Variants in SEMA4D observed in about 807,000 individuals in gnomAD.
SEMA4D encodes the protein semaphorin-4D.
In SEMA4D, 22 loss-of-function variants were observed where a neutral mutation model predicts 74.8. The ratio of observed to expected loss-of-function variants is 0.29; its 90% CI spans 0.21 to 0.42. SEMA4D has a LOEUF of 0.42. Among genes scored for constraint, SEMA4D ranks in the 10% least tolerant of loss-of-function variants. SEMA4D has a pLI of 1.00. For synonymous variants in SEMA4D, 445 were observed against 463.7 expected (o/e 0.96, Z 0.52); for missense variants, 937 against 1,118.4 (o/e 0.84, Z 2.31).
chr9:89,447,653 G>T (rs907712727), intron 2 of SEMA4D, among the ~76,000 whole-genome samples: 1 of 152,064 alleles, frequency 6.6e-6, no homozygotes, highest in Admixed American at 6.5e-5. Flanking sequence ...CAGCCTAACC[G>T]GGTGCCCGAC....
exon 17 of SEMA4D, chr9:89,363,769 C>T (rs555149600): frequency 3.0e-5 from 49 of 1,613,530 alleles, no homozygotes; most frequent in South Asian, 2.1e-4. Flanking sequence ...CCTGCACCTT[C>T]GAAGTCTTGT....
At chr9:89,372,968 TGGA>T (rs923909941), downstream of SEMA4D, among the ~76,000 whole-genome samples, 9 of 152,024 alleles carry the variant, frequency 5.9e-5, no homozygotes, top group African/African-American at 1.9e-4. Flanking sequence ...AGAACTGTGG[TGGA>T]GAAGGGATGA....
At chr9:89,395,924 A>G (rs573423909) in intron 6 of SEMA4D, among the ~76,000 whole-genome samples, 1 of 152,360 alleles carries the variant, frequency 6.6e-6, no homozygotes, top group African/African-American at 2.4e-5. Flanking sequence ...GGACTCATTA[A>G]AATCCAGGGA....
chr9:89,465,277 G>C (rs571643650), intron 1 of SEMA4D, among the ~76,000 whole-genome samples: 2 of 152,278 alleles, frequency 1.3e-5, no homozygotes, highest in Admixed American at 1.3e-4. Flanking sequence ...CAGGAAACCA[G>C]CACCATCCAT....
At chr9:89,497,122 C>G (rs948355485) in intron 1 of SEMA4D, among the ~76,000 whole-genome samples, 1 of 152,214 alleles carries the variant, frequency 6.6e-6, no homozygotes, top group East Asian at 1.9e-4. Context: ...CACCTACCCC[C>G]CAAAATACTA....
chr9:89,428,985 G>A (rs1053474647), intron 2 of SEMA4D, among the ~76,000 whole-genome samples: 1 of 152,182 alleles, frequency 6.6e-6, no homozygotes, highest in African/African-American at 2.4e-5. Context: ...CAGACAGGAT[G>A]GACCTAGGTC....
At chr9:89,396,698 A>C in intron 6 of SEMA4D, 39 bp downstream of exon 6, 1 of 1,544,034 alleles carries the variant, frequency 6.5e-7, no homozygotes. Flanking sequence ...ACTGCTGACC[A>C]GGCTGGCGTG....
chr9:89,488,393 T>C (rs1413082232), intron 1 of SEMA4D, among the ~76,000 whole-genome samples: 4 of 121,320 alleles, frequency 3.3e-5, no homozygotes, highest in African/African-American at 1.2e-4. Flanking sequence ...GAACAGAGTC[T>C]CACTCTGTCA....
chr9:89,450,522 A>T, intron 2 of SEMA4D: 4 of 1,213,750 alleles, frequency 3.3e-6, no homozygotes, highest in Non-Finnish European at 3.7e-6. Flanking sequence ...GTTTAAATTT[A>T]CAGTTCTGCT....
At chr9:89,428,923 T>C (rs1848664290) in intron 2 of SEMA4D, among the ~76,000 whole-genome samples, 1 of 152,202 alleles carries the variant, frequency 6.6e-6, no homozygotes, top group Non-Finnish European at 1.5e-5. Flanking sequence ...CCCTGGACCC[T>C]GCCAACCACA....
chr9:89,384,104 C>G (rs750177696), intron 13 of SEMA4D, among the ~76,000 whole-genome samples: 1 of 152,180 alleles, frequency 6.6e-6, no homozygotes, highest in Non-Finnish European at 1.5e-5. Flanking sequence ...ACAGCCTACT[C>G]GGTGGGCTCA....
chr9:89,457,281 G>A (rs926359396), intron 1 of SEMA4D, among the ~76,000 whole-genome samples: 2 of 152,124 alleles, frequency 1.3e-5, no homozygotes, highest in Non-Finnish European at 1.5e-5. Flanking sequence ...TGTGACGCTC[G>A]GGATGCTGCT....
chr9:89,363,387 C>CT (rs775839650), intron 18 of SEMA4D: 24 of 1,602,622 alleles, frequency 1.5e-5, no homozygotes, highest in Non-Finnish European at 1.9e-5. Context: ...TGCCCTGCCC[C>CT]TGGCTCCAGC....
At chr9:89,429,591 A>T (rs1190413854) in intron 2 of SEMA4D, among the ~76,000 whole-genome samples, 1 of 152,190 alleles carries the variant, frequency 6.6e-6, no homozygotes, top group Non-Finnish European at 1.5e-5. Context: ...GTGCTCATTC[A>T]AATCGGTTTC....
intron 2 of SEMA4D, 142 bp from the exon 3 acceptor site, chr9:89,405,841 G>A (rs1843206328): frequency 3.1e-6 from 4 of 1,289,152 alleles, no homozygotes; most frequent in Non-Finnish European, 2.9e-6. Flanking sequence ...GGGACAAAGA[G>A]AGTCTTAGAA....
At chr9:89,400,248 G>T (rs939761658) in intron 4 of SEMA4D, among the ~76,000 whole-genome samples, 2 of 152,204 alleles carry the variant, frequency 1.3e-5, no homozygotes, top group African/African-American at 2.4e-5. Context: ...CTTCCAGGGG[G>T]TGGGGGCCTT....
chr9:89,497,751 G>T (rs1321201080), intron 1 of SEMA4D, among the ~76,000 whole-genome samples, 168 bp downstream of exon 1: 1 of 151,294 alleles, frequency 6.6e-6, no homozygotes, highest in Non-Finnish European at 1.5e-5. Context: ...GAGTCCAGGG[G>T]TCCGGGGATC....
At chr9:89,472,930 T>C (rs1860764242) in intron 1 of SEMA4D, among the ~76,000 whole-genome samples, 1 of 151,216 alleles carries the variant, frequency 6.6e-6, no homozygotes, top group Non-Finnish European at 1.5e-5. Flanking sequence ...CCCATCTCTA[T>C]AAAAAATGTA....
At chr9:89,449,932 T>G (rs1305473949) in intron 2 of SEMA4D, 15 of 1,479,402 alleles carry the variant, frequency 1.0e-5, no homozygotes, top group Non-Finnish European at 1.1e-5. Flanking sequence ...GCTCGTACTT[T>G]TCTGACTGAT....
Sources: allele counts gnomAD v4.1 joint callset (sites outside exome capture counted in the v4.1 genomes callset), GRCh38; gene constraint gnomAD v4.1.1; transcripts MANE v1.5; gene names NCBI Gene and HGNC (gene_info 2026-07-23, HGNC 2026-07-21).